The following PKIA variants were observed in gnomAD, a reference collection of about 807,000 sequenced individuals.
PKIA encodes the protein cAMP-dependent protein kinase inhibitor alpha.
Under a neutral mutation model 7.6 loss-of-function variants are expected in PKIA, and 4 were observed. The ratio of observed to expected loss-of-function variants is 0.52; its 90% confidence interval spans 0.26 to 1.20. The LOEUF (loss-of-function observed/expected upper bound fraction) is 1.20. PKIA is among the 50% of genes most tolerant of loss of function. The probability of loss-of-function intolerance (pLI) is 0.13; values close to 1 mark genes in which losing one functional copy is unlikely to be tolerated. For synonymous variants in PKIA, 21 were observed against 30.7 expected (o/e 0.68, Z 1.04); for missense variants, 73 against 86.2 (o/e 0.85, Z 0.61).
Position 78,604,170 on chromosome 8 carries a change from G to A in PKIA, c.*2349G>A, listed in dbSNP as rs1808420086. On this transcript the variant is annotated 3_prime_UTR_variant, in exon 4 of 4. Transcript: ENST00000396418. Reference sequence around the variant, plus strand: ...GAGAAGGAAAGGGTAGGAAACCAGGGCCTTGGGTTTAGTAACAGGCATTGG... The same window carrying A: ...GAGAAGGAAAGGGTAGGAAACCAGGACCTTGGGTTTAGTAACAGGCATTGG... 1.3e-5 allele frequency: 2 copies of A among 151,890 alleles called. No homozygotes were observed. Among genetic ancestry groups the A allele is most frequent in the Admixed American group, 1.3e-4 (2 of 15,224 alleles). The allele number at this position is 151,890 out of a possible 1,614,324, so 9.4% of individuals were successfully genotyped here. A position where few individuals can be genotyped will look rare whatever the true frequency, so the allele number is the denominator to read the frequency against.
At chr8:78,544,002 A>C (rs566595238) in intron 1 of PKIA, among the ~76,000 whole-genome samples, 17 of 152,276 alleles carry the variant, frequency 1.1e-4, no homozygotes, top group African/African-American at 2.9e-4. Flanking sequence ...TCTTTGTGGC[A>C]CTTTTCATGC....
intron 2 of PKIA, among the ~76,000 whole-genome samples, chr8:78,581,993 T>C (rs1024792695): frequency 1.3e-5 from 2 of 152,024 alleles, no homozygotes; most frequent in Non-Finnish European, 2.9e-5. Flanking sequence ...CATTTCAACG[T>C]TTTTGTAAGT....
At chr8:78,536,900 ACACACAC>A (rs1213170715) in intron 1 of PKIA, among the ~76,000 whole-genome samples, 2 of 139,294 alleles carry the variant, frequency 1.4e-5, no homozygotes, top group Non-Finnish European at 3.1e-5. Context: ...ACACACACAC[ACACACAC>A]ACTACATTTT....
intron 1 of PKIA, among the ~76,000 whole-genome samples, chr8:78,518,217 T>G (rs568930665): frequency 6.6e-6 from 1 of 152,350 alleles, no homozygotes; most frequent in South Asian, 2.1e-4. Context: ...CAAAGCCCAC[T>G]ACTGAGTGAT....
At chr8:78,590,891 A>G (rs1175644109) in intron 2 of PKIA, among the ~76,000 whole-genome samples, 1 of 152,202 alleles carries the variant, frequency 6.6e-6, no homozygotes, top group Non-Finnish European at 1.5e-5. Flanking sequence ...ATACTAATGT[A>G]GACCAAACAC....
chr8:78,539,135 G>A (rs10504676), intron 1 of PKIA, among the ~76,000 whole-genome samples: 16,727 of 152,064 alleles, frequency 0.11, 992 homozygotes, highest in Middle Eastern at 0.2. Flanking sequence ...GGAGGAAAAG[G>A]TTGATGAGAT....
chr8:78,555,152 T>G (rs769293879), intron 1 of PKIA, among the ~76,000 whole-genome samples: 2 of 152,042 alleles, frequency 1.3e-5, no homozygotes, highest in Non-Finnish European at 2.9e-5. Context: ...CTCTTCTAAC[T>G]AATTAGACCT....
At chr8:78,538,352 G>T (rs1806589529) in intron 1 of PKIA, among the ~76,000 whole-genome samples, 1 of 152,008 alleles carries the variant, frequency 6.6e-6, no homozygotes, top group African/African-American at 2.4e-5. Context: ...TAGTTATCCT[G>T]GGGAAATATG....
intron 2 of PKIA, among the ~76,000 whole-genome samples, chr8:78,591,834 T>C (rs1388662664): frequency 1.3e-5 from 2 of 152,104 alleles, no homozygotes; most frequent in African/African-American, 2.4e-5. Flanking sequence ...AGAATCAAAG[T>C]CTACTTTTAA....
chr8:78,550,067 C>A lies in PKIA; in HGVS notation c.-156-22744C>A, dbSNP rs936391743. On this transcript the variant is annotated intron_variant, in intron 1 of 3. Transcript: ENST00000396418. ...AATCTGAATGCATTCTATTAAAGAA[C>A]AGAATTAAACAGGCAAGCAAAGATG... Among the ~76,000 whole-genome samples, 3 of 152,066 alleles carry A rather than the reference C, an allele frequency of 2.0e-5. No homozygotes were observed. The East Asian group carries it at 5.8e-4, about 29-fold the overall frequency.
At chr8:78,519,299 G>T (rs1188375665) in intron 1 of PKIA, among the ~76,000 whole-genome samples, 1 of 152,038 alleles carries the variant, frequency 6.6e-6, no homozygotes, top group Non-Finnish European at 1.5e-5. Flanking sequence ...CTGCATTACT[G>T]CCATTAACTA....
chr8:78,604,948 A>G lies in PKIA; in HGVS notation c.*3127A>G, dbSNP rs1313116083. 6.6e-6 allele frequency: 1 copy of G among 152,010 alleles called. No homozygotes were observed. Among genetic ancestry groups the G allele is most frequent in the Admixed American group, 6.6e-5 (1 of 15,210 alleles). 9.4% of individuals were successfully genotyped at this position (152,010 alleles called of 1,614,324 possible). Reference sequence around the variant, plus strand: ...TGAGTCTTACTTAGATGCTGTGGTAATGCACCATTTTAGAAGATGAATGAT... The same window carrying G: ...TGAGTCTTACTTAGATGCTGTGGTAGTGCACCATTTTAGAAGATGAATGAT... On this transcript the variant is annotated 3_prime_UTR_variant, in exon 4 of 4. Transcript: ENST00000396418.
intron 2 of PKIA, among the ~76,000 whole-genome samples, chr8:78,590,373 G>A (rs1808065589): frequency 6.6e-6 from 1 of 151,612 alleles, no homozygotes; most frequent in African/African-American, 2.4e-5. Context: ...TAAAGGCAGA[G>A]TATGGAAAGC....
chr8:78,536,657 T>C (rs1209590061), intron 1 of PKIA, among the ~76,000 whole-genome samples: 1 of 152,100 alleles, frequency 6.6e-6, no homozygotes, highest in African/African-American at 2.4e-5. Flanking sequence ...TTATTTTTCC[T>C]CAAAAAGCTG....
chr8:78,583,037 C>T (rs1031085504), intron 2 of PKIA, among the ~76,000 whole-genome samples: 1 of 152,142 alleles, frequency 6.6e-6, no homozygotes, highest in African/African-American at 2.4e-5. Flanking sequence ...TAAAGCAAAG[C>T]TGTTGTCTAC....
intron 1 of PKIA, among the ~76,000 whole-genome samples, chr8:78,533,214 G>A (rs955593163): frequency 2.6e-5 from 4 of 152,020 alleles, no homozygotes; most frequent in African/African-American, 9.7e-5. Context: ...ATATTAACAT[G>A]CTCTAAATAT....
chr8:78,576,991 G>GA (rs879306309), intron 2 of PKIA, among the ~76,000 whole-genome samples: 43 of 152,044 alleles, frequency 2.8e-4, no homozygotes, highest in Non-Finnish European at 5.9e-4. Flanking sequence ...CCATGGAATA[G>GA]TATGTAGCCA....
At chr8:78,587,142 T>C in intron 2 of PKIA, among the ~76,000 whole-genome samples, 1 of 152,216 alleles carries the variant, frequency 6.6e-6, no homozygotes, top group African/African-American at 2.4e-5. Flanking sequence ...TGTGTCAGTG[T>C]TCTAATATCC....
chr8:78,532,123 AC>A (rs1413239156), intron 1 of PKIA, among the ~76,000 whole-genome samples: 1 of 152,048 alleles, frequency 6.6e-6, no homozygotes, highest in Non-Finnish European at 1.5e-5. Flanking sequence ...TTATTTCATC[AC>A]CCAGGTATTA....
Sources: gnomAD v4.1 joint callset for allele counts (sites outside exome capture counted in the v4.1 genomes callset) on GRCh38, gnomAD v4.1.1 for gene constraint, MANE v1.5 for transcripts, NCBI Gene and HGNC (gene_info 2026-07-23, HGNC 2026-07-21) for gene names.